DPYD: variants seen among roughly 807,000 people sequenced by gnomAD.
DPYD encodes dihydropyrimidine dehydrogenase [NADP(+)].
A neutral mutation model predicts 116.2 loss-of-function variants in DPYD; 109 were observed. That is an observed-to-expected ratio of 0.94 (90% CI 0.80 to 1.10). The LOEUF is 1.10. Ranked by LOEUF, DPYD falls within the 50% of genes least tolerant of loss-of-function variation. The probability of loss-of-function intolerance (pLI) is 0.00; values close to 1 mark genes in which losing one functional copy is unlikely to be tolerated. For missense variants in DPYD, 1,302 were observed against 1,254.5 expected (o/e 1.04, Z -0.57); for synonymous variants, 440 against 432.0 (o/e 1.02, Z -0.23).
intron 14 of DPYD, among the ~76,000 whole-genome samples, chr1:97,395,410 T>C (rs1450475430): frequency 6.6e-6 from 1 of 151,928 alleles, no homozygotes; most frequent in Non-Finnish European, 1.5e-5. Flanking sequence ...GAGAATCTTA[T>C]ACTGATAATA....
chr1:97,313,066 C>G (rs1445142035), intron 16 of DPYD, among the ~76,000 whole-genome samples: 11 of 151,838 alleles, frequency 7.2e-5, no homozygotes, highest in African/African-American at 2.4e-4. Context: ...CAAGGAAATG[C>G]AAACCAGGCA....
intron 14 of DPYD, among the ~76,000 whole-genome samples, chr1:97,414,753 G>A (rs1259699501): frequency 6.6e-6 from 1 of 152,156 alleles, no homozygotes; most frequent in Non-Finnish European, 1.5e-5. Flanking sequence ...TGCGAAATAG[G>A]GTCACAGCCT....
At chr1:97,587,465 A>AAACAAC (rs1290980491) in intron 10 of DPYD, among the ~76,000 whole-genome samples, 1 of 152,172 alleles carries the variant, frequency 6.6e-6, no homozygotes, top group Non-Finnish European at 1.5e-5. Flanking sequence ...CTATTTTCTA[A>AAACAAC]AAATAGTCCC....
intron 14 of DPYD, among the ~76,000 whole-genome samples, chr1:97,416,929 T>A (rs1267412007): frequency 1.3e-5 from 2 of 152,148 alleles, no homozygotes; most frequent in African/African-American, 4.8e-5. Context: ...ATTAAACAAT[T>A]TCAATTTTCA....
In DPYD at chr1:97,527,066, C is replaced by T. The variant is rs150974648; in HGVS notation, c.1525-11125G>A. On this transcript the variant is annotated intron_variant, in intron 12 of 22. Transcript: ENST00000370192. ...ACACAAACTACATTATATCAAACTG[C>T]CCCCAACCTTTTTTTTTTTTCTTTT... 2.8e-3 allele frequency among the ~76,000 whole-genome samples: 426 copies of T among 151,936 alleles called. 1 individual carries two copies. The highest frequency in any genetic ancestry group is 9.9e-3 in the African/African-American group (411 of 41,444).
At chr1:97,626,834 T>C (rs897628876) in intron 8 of DPYD, among the ~76,000 whole-genome samples, 2 of 152,058 alleles carry the variant, frequency 1.3e-5, no homozygotes, top group Non-Finnish European at 2.9e-5. Context: ...CTCAGTAAAA[T>C]ATATTAGTAG....
chr1:97,878,204 C>A (rs1000731338), intron 2 of DPYD, among the ~76,000 whole-genome samples: 1 of 151,656 alleles, frequency 6.6e-6, no homozygotes, highest in African/African-American at 2.4e-5. Flanking sequence ...AAGGTGTGTG[C>A]CTATATATAT....
intron 7 of DPYD, among the ~76,000 whole-genome samples, chr1:97,680,782 GTGGAAGATGAACTCTATAATCAGGGAC>G (rs1480519107): frequency 6.6e-6 from 1 of 152,114 alleles, no homozygotes; most frequent in Non-Finnish European, 1.5e-5. Context: ...ACTCCAGTGG[GTGGAAGATGAACTCTATAATCAGGGAC>G]TGGCCTCTTG....
At chr1:97,718,699 G>T (rs1201898020) in intron 5 of DPYD, among the ~76,000 whole-genome samples, 2 of 150,334 alleles carry the variant, frequency 1.3e-5, no homozygotes, top group Non-Finnish European at 3.0e-5. Flanking sequence ...ATGTAAAATC[G>T]TTTTTTTTCA....
intron 7 of DPYD, among the ~76,000 whole-genome samples, chr1:97,690,816 T>C (rs1660974042): frequency 6.6e-6 from 1 of 152,140 alleles, no homozygotes; most frequent in African/African-American, 2.4e-5. Context: ...TTAGTCATTA[T>C]GTGTGAATGT....
chr1:97,524,037 G>A (rs570011302), intron 12 of DPYD, among the ~76,000 whole-genome samples: 2 of 144,966 alleles, frequency 1.4e-5, no homozygotes, highest in East Asian at 1.9e-4. Context: ...AAAAAGTCTA[G>A]TAAGCCTCTT....
At chr1:97,835,070 T>C (rs571860769) in intron 2 of DPYD, among the ~76,000 whole-genome samples, 2 of 152,142 alleles carry the variant, frequency 1.3e-5, no homozygotes, top group African/African-American at 4.8e-5. Context: ...CTAATGTCAT[T>C]TCACTAATTG....
chr1:97,595,123 C>T lies in DPYD; in HGVS notation c.894G>A (p.Thr298=), dbSNP rs61758443. The T allele has an allele frequency of 8.1e-6, 13 of 1,613,462 alleles. No individual in the cohort carries two copies. Among genetic ancestry groups the T allele is most frequent in the African/African-American group, 5.3e-5 (4 of 74,858 alleles). ...TGGATGTATAAAACCCCTGGTCCTG[C>T]GTCAGGCCTTGGAAGATGGCATCTT... The part of the protein sequence containing the change: ...PNKDAIFQGL[T]QDQGFYTSKD... The change falls in exon 9 of 23, where the codon ACG becomes ACA. Residue 298 remains threonine (T), a synonymous_variant. Coordinates refer to ENST00000370192, the MANE Select transcript of DPYD (RefSeq NM_000110.4).
chr1:97,407,656 TA>T (rs757498929), intron 14 of DPYD, among the ~76,000 whole-genome samples: 2 of 152,146 alleles, frequency 1.3e-5, no homozygotes, highest in Non-Finnish European at 2.9e-5. Flanking sequence ...GAAGGCTGTG[TA>T]TGCTCTGAAT....
chr1:97,280,994 C>T (rs1049329859), intron 18 of DPYD, among the ~76,000 whole-genome samples: 2 of 152,052 alleles, frequency 1.3e-5, no homozygotes, highest in East Asian at 1.9e-4. Context: ...TCACTACACA[C>T]CCCATAAAAA....
chr1:97,229,711 T>C (rs748784478), intron 19 of DPYD, among the ~76,000 whole-genome samples: 4 of 151,736 alleles, frequency 2.6e-5, no homozygotes, highest in African/African-American at 4.8e-5. Flanking sequence ...ACAGATTAGA[T>C]TGCCAGCTCT....
Position 97,306,053 on chromosome 1 carries a change from G to T in DPYD, c.2179+124C>A, listed in dbSNP as rs55694659. ...GTTTGTGGGATCAAGTGCTCAACTG[G>T]AAACTTTTAAAATTGAGACAAAAAA... On this transcript the variant is annotated intron_variant, in intron 17 of 22. Coordinates refer to ENST00000370192, the MANE Select transcript of DPYD (RefSeq NM_000110.4). The T allele has an allele frequency of 1.5e-4, 229 of 1,511,046 alleles. 1 individual carries two copies. The East Asian group carries it at 5.2e-3, about 34-fold the overall frequency. 93.6% of individuals were successfully genotyped at this position (1,511,046 alleles called of 1,614,324 possible). A position where few individuals can be genotyped will look rare whatever the true frequency, so the allele number is the denominator to read the frequency against.
intron 14 of DPYD, among the ~76,000 whole-genome samples, chr1:97,396,468 T>A (rs1406064159): frequency 2.0e-5 from 3 of 152,048 alleles, no homozygotes; most frequent in African/African-American, 4.8e-5. Flanking sequence ...ATTTATATGA[T>A]CTTCGCCAGT....
chr1:97,363,565 A>G (rs1451887278), intron 16 of DPYD, among the ~76,000 whole-genome samples: 2 of 152,214 alleles, frequency 1.3e-5, no homozygotes, highest in East Asian at 3.8e-4. Context: ...AGGTCCATCA[A>G]TGATAGGCTG....
Sources: allele counts gnomAD v4.1 joint callset (sites outside exome capture counted in the v4.1 genomes callset), GRCh38; gene constraint gnomAD v4.1.1; transcripts MANE v1.5; gene names NCBI Gene and HGNC (gene_info 2026-07-23, HGNC 2026-07-21).